C5orf34: variants seen among roughly 807,000 people sequenced by gnomAD.
The protein encoded by C5orf34 is chromosome 5 open reading frame 34.
Under a neutral mutation model 78.4 loss-of-function variants are expected in C5orf34, and 73 were observed. The ratio of observed to expected loss-of-function variants is 0.93; its 90% CI spans 0.77 to 1.13. The LOEUF (loss-of-function observed/expected upper bound fraction) is 1.13, where lower values mean the gene tolerates loss of function less well. Ranked by LOEUF, C5orf34 falls within the 50% of genes most tolerant of loss-of-function variation. The pLI, the probability that C5orf34 is intolerant of heterozygous loss-of-function variation, is 0.00. For synonymous variants in C5orf34, 251 were observed against 246.6 expected (o/e 1.02, Z -0.17); for missense variants, 730 against 732.7 (o/e 1.00, Z 0.04).
Position 43,495,375 on chromosome 5 carries a change from C to G in C5orf34, c.1153-774G>C. On this transcript the variant is annotated intron_variant, in intron 6 of 12. Transcript: ENST00000306862. ...CATGCAATGTGAGCCGCGTGGCAAT[C>G]CAATATAGGGGCATAGCCAGCGCTT... 1.9e-6 allele frequency: 3 copies of G among 1,611,818 alleles called. No homozygotes were observed. The African/African-American group carries it at 4.0e-5, about 21-fold the overall frequency.
rs1745948834 is a variant in C5orf34 at position 43,505,676 on chromosome 5, A to G, written c.932+72T>C. 21 of 1,436,076 alleles carry G rather than the reference A, an allele frequency of 1.5e-5. No homozygotes were observed. In the South Asian group the frequency reaches 3.4e-4, roughly 24 times the overall value. 89.0% of individuals were successfully genotyped at this position (1,436,076 alleles called of 1,614,324 possible). ...ACTTTCCTTGTGAATGGTATCAGAT[A>G]AAAAGAAAATTATCCAGGTTAAGAC... On this transcript the variant is annotated intron_variant, in intron 4 of 12. Transcript: ENST00000306862.
intron 6 of C5orf34, chr5:43,495,153 CA>C: frequency 1.2e-6 from 2 of 1,607,800 alleles, no homozygotes; most frequent in Middle Eastern, 4.5e-4. Context: ...GCTTTGATGA[CA>C]CCCACCGCAA....
At chr5:43,488,951 C>T (rs908418735) in intron 11 of C5orf34, among the ~76,000 whole-genome samples, 4 of 151,904 alleles carry the variant, frequency 2.6e-5, no homozygotes, top group Non-Finnish European at 5.9e-5. Flanking sequence ...ATCACATGCA[C>T]CTCCCTGTCA....
chr5:43,497,355 C>G (rs1745576164), intron 6 of C5orf34, among the ~76,000 whole-genome samples: 1 of 152,228 alleles, frequency 6.6e-6, no homozygotes, highest in Admixed American at 6.5e-5. Flanking sequence ...ACTCACTTTA[C>G]ATGGATTATC....
In C5orf34 at chr5:43,487,063, T is replaced by C; in HGVS notation, c.1769A>G (p.Asn590Ser). Reference protein sequence around the residue: ...GILNQISNKKNEQQSFDHYKP... With the variant: ...GILNQISNKKSEQQSFDHYKP... Reference sequence around the variant, plus strand: ...ATAATGATCAAAAGACTGTTGTTCATTTTTCTTGTTAGAAATCTGGTTTAG... The same window carrying C: ...ATAATGATCAAAAGACTGTTGTTCACTTTTCTTGTTAGAAATCTGGTTTAG... Residue 590 changes from asparagine to serine, a missense_variant, in exon 13 of 13, where the codon AAT becomes AGT. By Grantham distance (46) the Asn-to-Ser change is conservative. Transcript: ENST00000306862. The C allele has an allele frequency of 6.4e-7, 1 of 1,567,756 alleles. No homozygotes were observed. Among genetic ancestry groups the C allele is most frequent in the Non-Finnish European group, 8.6e-7 (1 of 1,160,128 alleles).
intron 11 of C5orf34, 74 bp from the exon 12 acceptor site, chr5:43,488,023 CCTGA>C: frequency 1.7e-6 from 2 of 1,185,398 alleles, no homozygotes; most frequent in South Asian, 1.4e-5. Flanking sequence ...AATAAGCATA[CCTGA>C]CTTTTTTTTT....
intron 6 of C5orf34, chr5:43,495,484 A>G: frequency 1.2e-6 from 2 of 1,608,022 alleles, no homozygotes; most frequent in Non-Finnish European, 1.7e-6. Flanking sequence ...TGTCACCAGC[A>G]ACGTTGCCAC....
chr5:43,503,888 T>G (rs945169081), intron 4 of C5orf34, 128 bp from the exon 5 acceptor site: 6 of 616,568 alleles, frequency 9.7e-6, no homozygotes, highest in Non-Finnish European at 1.7e-5. Context: ...AGAATAAAAA[T>G]TAATATGAAG....
At chr5:43,507,685 A>T (rs184441333) in intron 3 of C5orf34, among the ~76,000 whole-genome samples, 3 of 152,358 alleles carry the variant, frequency 2.0e-5, no homozygotes, top group Admixed American at 2.0e-4. Flanking sequence ...CAGAGTTTAC[A>T]GAGTCAGATA....
intron 3 of C5orf34, among the ~76,000 whole-genome samples, chr5:43,507,898 G>A (rs1230368775): frequency 6.6e-6 from 1 of 152,050 alleles, no homozygotes; most frequent in Non-Finnish European, 1.5e-5. Context: ...CTAACATGAT[G>A]AAACCCCGTC....
chr5:43,498,396 T>C (rs1033621105), intron 6 of C5orf34, among the ~76,000 whole-genome samples: 1 of 152,192 alleles, frequency 6.6e-6, no homozygotes, highest in Non-Finnish European at 1.5e-5. Context: ...TGTCTTATAA[T>C]CTATTAGGCA....
intron 6 of C5orf34, 143 bp downstream of exon 6, chr5:43,502,229 G>A (rs1212069993): frequency 1.0e-5 from 8 of 777,926 alleles, no homozygotes; most frequent in Non-Finnish European, 1.7e-5. Context: ...TACCAATGCT[G>A]GCAGTAAGAT....
At chr5:43,488,266 T>C in intron 11 of C5orf34, 1 of 285,534 alleles carries the variant, frequency 3.5e-6, no homozygotes, top group Non-Finnish European at 6.5e-6. Flanking sequence ...CACTCTACTT[T>C]CCTCCCTAAA....
chr5:43,487,088 G>T lies in C5orf34; in HGVS notation c.1744C>A (p.Leu582Ile). The change falls in exon 13 of 13, where the codon CTA (leucine) becomes ATA (isoleucine). Residue 582 changes from leucine (L) to isoleucine (I), a missense_variant. By Grantham distance (5) the Leu-to-Ile change is conservative. Coordinates refer to ENST00000306862, the MANE Select transcript of C5orf34 (RefSeq NM_198566.4). Reference sequence around the variant, plus strand: ...TTTTTCTTGTTAGAAATCTGGTTTAGGATACCACTATTTTCTAGTAGCACT... The same window carrying T: ...TTTTTCTTGTTAGAAATCTGGTTTATGATACCACTATTTTCTAGTAGCACT... Reference protein sequence around the residue: ...FNLLLENSGILNQISNKKNEQ... With the variant: ...FNLLLENSGIINQISNKKNEQ... 1 of 1,543,200 alleles carries T rather than the reference G, an allele frequency of 6.5e-7. No homozygotes were observed. The highest frequency in any genetic ancestry group is 8.7e-7 in the Non-Finnish European group (1 of 1,147,820).
chr5:43,492,276 A>G lies in C5orf34; in HGVS notation c.1519T>C (p.Leu507=), dbSNP rs1410782033. Residue 507 remains leucine, a synonymous_variant, in exon 10 of 13, where the codon TTA becomes CTA. Transcript: ENST00000306862. ...NQGLNLGWCK[L]TFPDGQEQLI... ...TGCTCTTGTCCATCAGGAAAAGTTA[A>G]CTTACACCAACCTAAGTTAAGACCT... is the stretch of plus-strand genomic sequence containing the variant. 1 of 1,611,774 alleles carries G rather than the reference A, an allele frequency of 6.2e-7. No individual in the cohort carries two copies. The highest frequency in any genetic ancestry group is 8.5e-7 in the Non-Finnish European group (1 of 1,178,668).
intron 4 of C5orf34, 155 bp downstream of exon 4, chr5:43,505,593 C>G (rs967397721): frequency 3.0e-6 from 2 of 658,116 alleles, no homozygotes; most frequent in African/African-American, 3.7e-5. Context: ...ACATAAGCAA[C>G]ACATTTGCTA....
At chr5:43,493,466 T>A in intron 8 of C5orf34, 77 bp downstream of exon 8, 1 of 864,654 alleles carries the variant, frequency 1.2e-6, no homozygotes, top group Non-Finnish European at 1.9e-6. Context: ...AGAGGAAAAC[T>A]GTTTGAACTC....
chr5:43,487,882 G>A (rs2112259426), intron 12 of C5orf34, 27 bp downstream of exon 12: 1 of 1,547,762 alleles, frequency 6.5e-7, no homozygotes, highest in East Asian at 2.3e-5. Flanking sequence ...TAATTATGTA[G>A]GACAGTGCAT....
Position 43,515,146 on chromosome 5 carries a change from A to C in C5orf34, c.-377T>G, listed in dbSNP as rs978862296. ...TCAGGGAGCCGCTTCAGAGCTCCGC[A>C]ACAGGGAAGACAGGAAGTCCCGCCC... On this transcript the variant is annotated 5_prime_UTR_variant, in exon 1 of 13. Coordinates refer to ENST00000306862, the MANE Select transcript of C5orf34 (RefSeq NM_198566.4). 6.6e-6 allele frequency: 1 copy of C among 152,226 alleles called. No individual in the cohort carries two copies. Among genetic ancestry groups the C allele is most frequent in the African/African-American group, 2.4e-5 (1 of 41,450 alleles). The allele number at this position is 152,226 out of a possible 1,614,324, so 9.4% of individuals were successfully genotyped here.
Sources: gnomAD v4.1 joint callset for allele counts (sites outside exome capture counted in the v4.1 genomes callset) on GRCh38, gnomAD v4.1.1 for gene constraint, MANE v1.5 for transcripts, NCBI Gene and HGNC (gene_info 2026-07-23, HGNC 2026-07-21) for gene names.